Variants in TRPM2 observed in about 807,000 individuals in gnomAD.
TRPM2 encodes the protein estrogen-responsive element-associated gene 1 protein.
In TRPM2, 161 loss-of-function variants were observed where a neutral mutation model predicts 174.0. The ratio of observed to expected loss-of-function variants is 0.93; its 90% CI spans 0.81 to 1.05. TRPM2 has a LOEUF of 1.05. Among genes scored for constraint, TRPM2 ranks in the 50% least tolerant of loss-of-function variants. The probability of loss-of-function intolerance (pLI) is 0.00; values close to 1 mark genes in which losing one functional copy is unlikely to be tolerated. For synonymous variants in TRPM2, 954 were observed against 861.3 expected (o/e 1.11, Z -1.88); for missense variants, 2,057 against 2,038.0 (o/e 1.01, Z -0.18).
intron 24 of TRPM2, chr21:44,425,440 G>C (rs1336396296): frequency 2.1e-6 from 1 of 470,586 alleles, no homozygotes; most frequent in Non-Finnish European, 3.7e-6. Flanking sequence ...GACTGCCGCT[G>C]CACAAAGAGG....
At chr21:44,420,602 AC>A (rs1161554257) in intron 22 of TRPM2, among the ~76,000 whole-genome samples, 2 of 152,184 alleles carry the variant, frequency 1.3e-5, no homozygotes, top group Middle Eastern at 3.2e-3. Context: ...ACCTTCTCTT[AC>A]TTGCTGTTGC....
intron 9 of TRPM2, among the ~76,000 whole-genome samples, chr21:44,383,860 A>G (rs2048950207): frequency 1.3e-5 from 2 of 152,212 alleles, no homozygotes; most frequent in South Asian, 2.1e-4. Flanking sequence ...AGCAAAAACA[A>G]TGCTAATGGA....
chr21:44,388,688 G>A (rs1044836845), intron 9 of TRPM2, among the ~76,000 whole-genome samples: 7 of 149,554 alleles, frequency 4.7e-5, no homozygotes, highest in Non-Finnish European at 8.9e-5. Flanking sequence ...AGGCATGGTA[G>A]CACACACCTG....
chr21:44,428,557 G>A lies in TRPM2; in HGVS notation c.3974+1446G>A. The stretch of plus-strand genomic sequence containing the variant: ...CCCTGAGGTGTGACTCCTCCCCTTA[G>A]GTGTGGCTCCTCCCTGAGGTGTGAC... On this transcript the variant is annotated intron_variant, in intron 27 of 31. Coordinates refer to ENST00000397928, the MANE Select transcript of TRPM2 (RefSeq NM_003307.4). Among the ~76,000 whole-genome samples the A allele has an allele frequency of 2.0e-5, 3 of 147,528 alleles. 1 individual carries two copies. In the South Asian group the frequency reaches 6.4e-4, roughly 32 times the overall value.
intron 29 of TRPM2, among the ~76,000 whole-genome samples, chr21:44,437,481 G>T (rs886698614): frequency 6.6e-5 from 10 of 152,190 alleles, no homozygotes; most frequent in Non-Finnish European, 1.0e-4. Flanking sequence ...AGTTCAGGGT[G>T]TTGGGGGCAG....
Position 44,399,161 on chromosome 21 carries a change from C to T in TRPM2, c.2063-135C>T, listed in dbSNP as rs2049525625. The stretch of plus-strand genomic sequence containing the variant: ...GTCCCTGGGCCTGGGTGTTTTGAGA[C>T]ACCAGCCCCACATTTGCCCTGTGCC... On this transcript the variant is annotated intron_variant, in intron 13 of 31. Coordinates refer to ENST00000397928, the MANE Select transcript of TRPM2 (RefSeq NM_003307.4). This position sits in a 1 kb window ranked among gnomAD's most constrained non-coding sequence, Gnocchi z 4.6. The T allele has an allele frequency of 3.3e-6, 4 of 1,203,994 alleles. No homozygotes were observed. Among genetic ancestry groups the T allele is most frequent in the South Asian group, 1.7e-5 (1 of 58,838 alleles). The allele number at this position is 1,203,994 out of a possible 1,614,324, so 74.6% of individuals were successfully genotyped here. A position where few individuals can be genotyped will look rare whatever the true frequency, so the allele number is the denominator to read the frequency against.
intron 27 of TRPM2, among the ~76,000 whole-genome samples, chr21:44,427,780 G>T (rs1003985696): frequency 6.6e-6 from 1 of 152,216 alleles, no homozygotes; most frequent in Non-Finnish European, 1.5e-5. Context: ...TCTGGAACAG[G>T]GTGTGGGCTC....
chr21:44,434,385 C>T (rs1278030789), intron 27 of TRPM2, among the ~76,000 whole-genome samples: 5 of 135,820 alleles, frequency 3.7e-5, no homozygotes, highest in South Asian at 2.4e-4. Flanking sequence ...GTGTTGGGAA[C>T]GCTGGTGGCG....
At chr21:44,394,688 A>T (rs2049288138) in intron 11 of TRPM2, among the ~76,000 whole-genome samples, 1 of 151,968 alleles carries the variant, frequency 6.6e-6, no homozygotes, top group South Asian at 2.1e-4. Context: ...TAAGACACTC[A>T]GTTGGAATAT....
intron 2 of TRPM2, among the ~76,000 whole-genome samples, chr21:44,355,009 G>A (rs1294238953): frequency 1.3e-5 from 2 of 151,946 alleles, no homozygotes; most frequent in East Asian, 1.9e-4. Flanking sequence ...ACTGTCGCGC[G>A]GCGAGGCCCA....
At chr21:44,440,696 C>T in intron 30 of TRPM2, 93 bp from the exon 31 acceptor site, 1 of 1,067,918 alleles carries the variant, frequency 9.4e-7, no homozygotes, top group African/African-American at 1.5e-5. Context: ...GGAAGCTGTG[C>T]TCAGAGCTGG....
intron 15 of TRPM2, among the ~76,000 whole-genome samples, chr21:44,401,044 A>G (rs1413538882): frequency 1.3e-5 from 2 of 152,094 alleles, no homozygotes; most frequent in Non-Finnish European, 2.9e-5. Context: ...CACGGCCAGG[A>G]TGGGTACTTG....
At chr21:44,352,621 CAG>C (rs1348387950), upstream of TRPM2, among the ~76,000 whole-genome samples, 1 of 152,140 alleles carries the variant, frequency 6.6e-6, no homozygotes, top group Non-Finnish European at 1.5e-5. Context: ...GGGGCAGTGG[CAG>C]GGGATGACCA....
At chr21:44,424,978 C>A in intron 24 of TRPM2, 39 bp downstream of exon 24, 2 of 1,551,144 alleles carry the variant, frequency 1.3e-6, no homozygotes, top group Non-Finnish European at 8.7e-7. Context: ...TCTCCAGCCG[C>A]CTGTTTCTTT....
chr21:44,409,661 G>A (rs199778670), intron 19 of TRPM2, among the ~76,000 whole-genome samples: 5 of 67,176 alleles, frequency 7.4e-5, no homozygotes, highest in African/African-American at 2.1e-4. Context: ...AGTTTTGACT[G>A]CACTGTCTTG....
At chr21:44,358,124 C>T (rs1448329201) in intron 2 of TRPM2, among the ~76,000 whole-genome samples, 4 of 152,198 alleles carry the variant, frequency 2.6e-5, no homozygotes, top group African/African-American at 4.8e-5. Flanking sequence ...CCTCGACACC[C>T]GCCCGGGTAA....
rs376722041 is a variant in TRPM2, at chr21:44,418,023, G to A, written c.3243G>A (p.Pro1081=). The part of the protein sequence containing the change: ...IEEYHGRPAA[P]PPFILLSHLQ... ...AGTACCACGGCCGCCCCGCCGCGCC[G>A]CCCCCCTTCATCCTCCTCAGCCACC... The change falls in exon 21 of 32, where the codon CCG becomes CCA. Residue 1081 remains proline, a synonymous_variant. Coordinates refer to ENST00000397928, the MANE Select transcript of TRPM2 (RefSeq NM_003307.4). 93 of 1,612,780 alleles carry A rather than the reference G, an allele frequency of 5.8e-5. 1 individual carries two copies. Among genetic ancestry groups the A allele is most frequent in the African/African-American group, 1.3e-4 (10 of 74,906 alleles).
rs2048011867 is a variant in TRPM2, at chr21:44,354,902, G to A, written c.254+166G>A. Among the ~76,000 whole-genome samples the A allele has an allele frequency of 6.6e-6, 1 of 152,164 alleles. No individual in the cohort carries two copies. The highest frequency in any genetic ancestry group is 1.5e-5 in the Non-Finnish European group (1 of 68,038). ...CACAGAGCATTTCCACCTAACCCTT[G>A]CAAGCCTCCTGTCGGGGACAGTTGA... On this transcript the variant is annotated intron_variant, in intron 2 of 31. Coordinates refer to ENST00000397928, the MANE Select transcript of TRPM2 (RefSeq NM_003307.4). This position sits in a 1 kb window ranked among gnomAD's most constrained non-coding sequence, Gnocchi z 4.3.
chr21:44,398,216 T>TC (rs2049495637), intron 13 of TRPM2, among the ~76,000 whole-genome samples: 1 of 151,456 alleles, frequency 6.6e-6, no homozygotes, highest in Non-Finnish European at 1.5e-5. Flanking sequence ...GTTTTTTTTT[T>TC]TTGAGATGGA....
Sources: gnomAD v4.1 joint callset for allele counts (sites outside exome capture counted in the v4.1 genomes callset) on GRCh38, gnomAD v4.1.1 for gene constraint, Gnocchi (gnomAD v3.1) non-coding constraint, MANE v1.5 for transcripts, NCBI Gene and HGNC (gene_info 2026-07-23, HGNC 2026-07-21) for gene names.